DNAH9: variants seen among roughly 807,000 people sequenced by gnomAD.
DNAH9 encodes the protein DNAH9 variant protein.
Under a neutral mutation model 471.6 loss-of-function variants are expected in DNAH9, and 345 were observed. The observed-to-expected ratio is 0.73, with a 90% CI of 0.67 to 0.80. The LOEUF (loss-of-function observed/expected upper bound fraction) is 0.80, where lower values mean the gene tolerates loss of function less well. DNAH9 is among the 30% of genes least tolerant of loss of function. The pLI is 0.00. For synonymous variants in DNAH9, 2,093 were observed against 2,123.6 expected (o/e 0.99, Z 0.40); for missense variants, 5,407 against 5,609.2 (o/e 0.96, Z 1.15).
At chr17:11,825,385 T>C (rs1970455230) in intron 48 of DNAH9, among the ~76,000 whole-genome samples, 1 of 152,194 alleles carries the variant, frequency 6.6e-6, no homozygotes, top group East Asian at 1.9e-4. Flanking sequence ...CTCCTATCTA[T>C]TTATCCTCTG....
At chr17:11,660,238 G>GTT (rs2073732881) in intron 14 of DNAH9, among the ~76,000 whole-genome samples, 1 of 150,518 alleles carries the variant, frequency 6.6e-6, no homozygotes, top group African/African-American at 2.4e-5. Flanking sequence ...GGTGATACTA[G>GTT]TTACCCTTTT....
intron 48 of DNAH9, among the ~76,000 whole-genome samples, chr17:11,825,444 A>C (rs2150944608): frequency 6.6e-6 from 1 of 152,294 alleles, no homozygotes; most frequent in Middle Eastern, 3.4e-3. Flanking sequence ...GAAGTAAGGG[A>C]TAGGAAAAAT....
chr17:11,629,619 C>G, intron 7 of DNAH9, 35 bp downstream of exon 7: 2 of 1,598,618 alleles, frequency 1.3e-6, no homozygotes, highest in Middle Eastern at 2.1e-4. Context: ...CCAGCTCTGC[C>G]TCTGTCCCGG....
intron 67 of DNAH9, among the ~76,000 whole-genome samples, chr17:11,943,161 T>C (rs1174153804): frequency 2.0e-5 from 3 of 151,904 alleles, no homozygotes; most frequent in African/African-American, 7.3e-5. Flanking sequence ...CCCAAAGTGC[T>C]GGGATTATAG....
Position 11,823,024 on chromosome 17 carries a change from C to T in DNAH9, c.9236C>T (p.Thr3079Ile), listed in dbSNP as rs771553030. The T allele has an allele frequency of 1.9e-6, 3 of 1,612,832 alleles. No homozygotes were observed. The highest frequency in any genetic ancestry group is 8.5e-7 in the Non-Finnish European group (1 of 1,179,346). Reference sequence around the variant, plus strand: ...AACGGGCTGCTGAAGCTGCATAGCACCTCTGCCCAGGTGAGCAATGTCCCG... The same window carrying T: ...AACGGGCTGCTGAAGCTGCATAGCATCTCTGCCCAGGTGAGCAATGTCCCG... ...LENGLLKLHSTSAQVDDLKAK... is the reference protein window; with the variant it reads ...LENGLLKLHSISAQVDDLKAK... Residue 3079 changes from threonine to isoleucine, a missense_variant, in exon 48 of 69, where the codon ACC becomes ATC. Around this residue, in one of 3 missense-constraint regions of DNAH9, gnomAD observed 4,636 missense variants for 4,900.3 expected, o/e 0.95. Coordinates refer to ENST00000262442, the MANE Select transcript of DNAH9 (RefSeq NM_001372.4).
rs780468478 is a variant in DNAH9, at chr17:11,834,831, A to G, written c.9440A>G (p.Glu3147Gly). The G allele has an allele frequency of 7.4e-6, 12 of 1,613,960 alleles. No individual in the cohort carries two copies. In the Admixed American group the frequency reaches 8.3e-5, roughly 11 times the overall value. The change falls in exon 49 of 69, where the codon GAG becomes GGG. Residue 3147 changes from glutamate (E) to glycine (G), a missense_variant. Transcript: ENST00000262442. ...LEVKQKQKDC[E>G]EDLAKAEPAL... is the part of the protein sequence containing the mutation. ...GTGAAACAGAAGCAGAAGGACTGTGAGGAGGACCTGGCAAAGGCTGAGCCA... is the reference window on the plus strand; with the variant it reads ...GTGAAACAGAAGCAGAAGGACTGTGGGGAGGACCTGGCAAAGGCTGAGCCA...
chr17:11,765,489 C>T (rs559950377), intron 36 of DNAH9, among the ~76,000 whole-genome samples: 4 of 152,250 alleles, frequency 2.6e-5, no homozygotes, highest in South Asian at 2.1e-4. Flanking sequence ...TGTTAACATC[C>T]GTCCTACCAA....
chr17:11,919,623 C>G (rs1310324691), intron 61 of DNAH9, among the ~76,000 whole-genome samples: 1 of 151,770 alleles, frequency 6.6e-6, no homozygotes, highest in South Asian at 2.1e-4. Context: ...TTGAGAATCA[C>G]AAGCTGGTGA....
intron 2 of DNAH9, 152 bp downstream of exon 2, chr17:11,608,477 A>G (rs972790562): frequency 4.9e-5 from 32 of 659,742 alleles, no homozygotes; most frequent in South Asian, 3.7e-4. Context: ...CGACACCCTC[A>G]GACTGTGGAC....
At chr17:11,766,699 T>C (rs1253495287) in intron 36 of DNAH9, among the ~76,000 whole-genome samples, 9 of 152,168 alleles carry the variant, frequency 5.9e-5, no homozygotes, top group Non-Finnish European at 1.3e-4. Context: ...GTGCGGTGGC[T>C]CACGCCTGTA....
chr17:11,768,642 C>T lies in DNAH9; in HGVS notation c.7344+16C>T. Reference sequence around the variant, plus strand: ...GCCCTTGCAGGTGAGTGCAGCTGAGCAGCCGAGGACGTGCGTGCAGTTGCC... The same window carrying T: ...GCCCTTGCAGGTGAGTGCAGCTGAGTAGCCGAGGACGTGCGTGCAGTTGCC... On this transcript the variant is annotated intron_variant, in intron 37 of 68. Transcript: ENST00000262442. The T allele has an allele frequency of 6.2e-7, 1 of 1,611,316 alleles. No homozygotes were observed. Among genetic ancestry groups the T allele is most frequent in the Admixed American group, 1.7e-5 (1 of 59,930 alleles).
chr17:11,704,819 G>T (rs1273128393), intron 25 of DNAH9, among the ~76,000 whole-genome samples: 1 of 152,164 alleles, frequency 6.6e-6, no homozygotes, highest in Non-Finnish European at 1.5e-5. Context: ...CTGACCTCGG[G>T]TGATCCGCCT....
chr17:11,822,210 A>T, intron 46 of DNAH9, 148 bp downstream of exon 46: 1 of 1,068,948 alleles, frequency 9.4e-7, no homozygotes, highest in Admixed American at 2.7e-5. Flanking sequence ...CACAGTTGCC[A>T]GGACACCCTT....
Position 11,690,164 on chromosome 17 carries a change from G to A in DNAH9, c.4342G>A (p.Glu1448Lys), listed in dbSNP as rs367779417. Residue 1448 changes from glutamate to lysine, a missense_variant, in exon 20 of 69, where the codon GAA becomes AAA. Glu to Lys is a moderately conservative substitution (Grantham distance 56). Coordinates refer to ENST00000262442, the MANE Select transcript of DNAH9 (RefSeq NM_001372.4). Reference protein sequence around the residue: ...KELQTTWAGMEFQYEPHPRTN... With the variant: ...KELQTTWAGMKFQYEPHPRTN... ...GCTGCAGACTACCTGGGCTGGCATG[G>A]AATTCCAGTATGAGCCCCACCCACG... The A allele has an allele frequency of 4.3e-6, 7 of 1,614,108 alleles. No homozygotes were observed. In the African/African-American group the frequency reaches 8.0e-5, roughly 18 times the overall value.
chr17:11,632,953 G>A (rs2073096839), intron 8 of DNAH9, among the ~76,000 whole-genome samples: 1 of 152,150 alleles, frequency 6.6e-6, no homozygotes, highest in African/African-American at 2.4e-5. Flanking sequence ...AATTTCTGCG[G>A]TGATCTCTTT....
chr17:11,839,312 C>G (rs1000769925), intron 49 of DNAH9, among the ~76,000 whole-genome samples: 4 of 151,522 alleles, frequency 2.6e-5, no homozygotes, highest in Non-Finnish European at 2.9e-5. Flanking sequence ...GTCAGGAGAT[C>G]GAGACCATCC....
chr17:11,663,012 C>T (rs1400620966), intron 14 of DNAH9, among the ~76,000 whole-genome samples: 2 of 151,750 alleles, frequency 1.3e-5, no homozygotes, highest in Non-Finnish European at 2.9e-5. Context: ...GCCTCGGCCT[C>T]CCAAAGTGCT....
At chr17:11,799,649 C>T (rs977495808) in intron 43 of DNAH9, among the ~76,000 whole-genome samples, 5 of 151,744 alleles carry the variant, frequency 3.3e-5, no homozygotes, top group African/African-American at 9.7e-5. Flanking sequence ...TGCAGTGGTG[C>T]GATCTCAGCT....
rs116206507 is a variant in DNAH9 at position 11,947,746 on chromosome 17, C to T, written c.12843+5261C>T. Among the ~76,000 whole-genome samples the T allele has an allele frequency of 8.4e-3, 1,258 of 150,436 alleles. 19 individuals carry two copies. Among genetic ancestry groups the T allele is most frequent in the African/African-American group, 0.03 (1,209 of 40,868 alleles). ...TATCTTAGATGGAGCCATGGCCAGC[C>T]CAGAATCTGGGAGGGGCTGGGAACT... On this transcript the variant is annotated intron_variant, in intron 67 of 68. Coordinates refer to ENST00000262442, the MANE Select transcript of DNAH9 (RefSeq NM_001372.4).
Sources: allele counts gnomAD v4.1 joint callset (sites outside exome capture counted in the v4.1 genomes callset), GRCh38; gene constraint gnomAD v4.1.1; regional missense constraint gnomAD v4.1.1; transcripts MANE v1.5; gene names NCBI Gene and HGNC (gene_info 2026-07-23, HGNC 2026-07-21).